SLURP1: variants seen among roughly 807,000 people sequenced by gnomAD.
The protein encoded by SLURP1 is secreted Ly-6/uPAR-related protein 1.
A neutral mutation model predicts 7.9 loss-of-function variants in SLURP1; 2 were observed. That is an observed-to-expected ratio of 0.25 (90% confidence interval 0.10 to 0.79). The LOEUF (loss-of-function observed/expected upper bound fraction) is 0.79, where lower values mean the gene tolerates loss of function less well. Ranked by LOEUF, SLURP1 falls within the 30% of genes least tolerant of loss-of-function variation. The pLI is 0.69. For missense variants in SLURP1, 111 were observed against 139.8 expected (o/e 0.79, Z 1.04); for synonymous variants, 59 against 54.9 (o/e 1.07, Z -0.33).
chr8:142,741,112 G>C lies in SLURP1; in HGVS notation c.*31C>G. The stretch of plus-strand genomic sequence containing the variant: ...AGGCCCCGTCAGAGAGGAGGTGCCT[G>C]AGGAGCACCTTCCGCCCTGCCGCCC... On this transcript the variant is annotated 3_prime_UTR_variant, in exon 3 of 3. Transcript: ENST00000246515. The surrounding 1 kb of genome is among the most constrained non-coding windows in gnomAD (Gnocchi z 4.3). 6.2e-7 allele frequency: 1 copy of C among 1,600,314 alleles called. No individual in the cohort carries two copies. The highest frequency in any genetic ancestry group is 8.5e-7 in the Non-Finnish European group (1 of 1,179,792).
In SLURP1 at chr8:142,741,754, G is replaced by A. The variant is rs753680397; in HGVS notation, c.178+49C>T. The A allele has an allele frequency of 8.7e-6, 14 of 1,602,776 alleles. No homozygotes were observed. The highest frequency in any genetic ancestry group is 1.2e-5 in the Non-Finnish European group (14 of 1,179,716). ...CAAAGGAGGGAGGCACTTGGGGGAG[G>A]TGGCCCTGACTCCAGTGCACCCAGG... On this transcript the variant is annotated intron_variant, in intron 2 of 2. Transcript: ENST00000246515. This position sits in a 1 kb window ranked among gnomAD's most constrained non-coding sequence, Gnocchi z 4.3.
At position 142,741,096 on chromosome 8, in the gene SLURP1, C is replaced by T; in HGVS notation, c.*47G>A. ...GATCACAGGTGGAGCCAGGCCCCGTCAGAGAGGAGGTGCCTGAGGAGCACC... is the reference window on the plus strand; with the variant it reads ...GATCACAGGTGGAGCCAGGCCCCGTTAGAGAGGAGGTGCCTGAGGAGCACC... On this transcript the variant is annotated 3_prime_UTR_variant, in exon 3 of 3. Transcript: ENST00000246515. This position sits in a 1 kb window ranked among gnomAD's most constrained non-coding sequence, Gnocchi z 4.3. 2 of 1,598,924 alleles carry T rather than the reference C, an allele frequency of 1.3e-6. No individual in the cohort carries two copies. The highest frequency in any genetic ancestry group is 1.7e-4 in the Middle Eastern group (1 of 6,022).
Position 142,740,985 on chromosome 8 carries a change from G to T in SLURP1, c.*158C>A. 1.9e-6 allele frequency: 2 copies of T among 1,043,818 alleles called. No homozygotes were observed. Among genetic ancestry groups the T allele is most frequent in the Non-Finnish European group, 2.8e-6 (2 of 703,560 alleles). The allele number at this position is 1,043,818 out of a possible 1,614,324, so 64.7% of individuals were successfully genotyped here. ...TTATGTTTTATAAGCGTGGGGTATG[G>T]AAGGCAGAGGGCGCCCCTGGTGTGC... On this transcript the variant is annotated 3_prime_UTR_variant, in exon 3 of 3. Coordinates refer to ENST00000246515, the MANE Select transcript of SLURP1 (RefSeq NM_020427.3).
At position 142,742,322 on chromosome 8, in the gene SLURP1, A is replaced by G. The variant is rs1253264186; in HGVS notation, c.58+6T>C. On this transcript the variant is annotated splice_donor_region_variant and intron_variant, in intron 1 of 2. Coordinates refer to ENST00000246515, the MANE Select transcript of SLURP1 (RefSeq NM_020427.3). ...CAGGGTCCCCACCAGCCTGCGGCCC[A>G]CTCACCACAGCCCATGCTCCAGGCT... is the stretch of plus-strand genomic sequence containing the variant. 6.2e-7 allele frequency: 1 copy of G among 1,612,592 alleles called. No individual in the cohort carries two copies. The highest frequency in any genetic ancestry group is 1.3e-5 in the African/African-American group (1 of 74,872).
Position 142,741,961 on chromosome 8 carries a change from T to G in SLURP1, c.59-39A>C. The G allele has an allele frequency of 6.2e-7, 1 of 1,606,492 alleles. No individual in the cohort carries two copies. Among genetic ancestry groups the G allele is most frequent in the Middle Eastern group, 1.6e-4 (1 of 6,062 alleles). ...GGGGGCAGAACCTCATCACCTGACC[T>G]CGGTGGCCTCATCCTGGAACCAGGA... On this transcript the variant is annotated intron_variant, in intron 1 of 2. Coordinates refer to ENST00000246515, the MANE Select transcript of SLURP1 (RefSeq NM_020427.3). The surrounding 1 kb of genome is among the most constrained non-coding windows in gnomAD (Gnocchi z 4.3).
intron 1 of SLURP1, 144 bp downstream of exon 1, chr8:142,742,184 A>T: frequency 2.9e-6 from 3 of 1,033,632 alleles, no homozygotes; most frequent in Non-Finnish European, 4.4e-6. Flanking sequence ...GGGACCCAGG[A>T]GGCTCACTGA....
rs771698285 is a variant in SLURP1, at chr8:142,741,257, G to A, written c.198C>T (p.Ser66=). 1 of 1,604,434 alleles carries A rather than the reference G, an allele frequency of 6.2e-7. No individual in the cohort carries two copies. The change falls in exon 3 of 3, where the codon AGC becomes AGT. Residue 66 remains serine, a synonymous_variant. Transcript: ENST00000246515. This position sits in a 1 kb window ranked among gnomAD's most constrained non-coding sequence, Gnocchi z 4.3. ...TGGAGCAGGAGCGGGTCACCACGGGGCTCTGGTTGAAGGGGTACTCTGCAG... is the reference window on the plus strand; with the variant it reads ...TGGAGCAGGAGCGGGTCACCACGGGACTCTGGTTGAAGGGGTACTCTGCAG... ...TVEAEYPFNQ[S]PVVTRSCSSS...
rs781709535 is a variant in SLURP1 at position 142,741,350 on chromosome 8, C to T, written c.179-74G>A. On this transcript the variant is annotated intron_variant, in intron 2 of 2. Transcript: ENST00000246515. This position sits in a 1 kb window ranked among gnomAD's most constrained non-coding sequence, Gnocchi z 4.3. ...CTGCTGCTGCACTGCTCCCAGCCGC[C>T]GTCGCCTGACCTCACCCTCCCTGTG... The T allele has an allele frequency of 1.3e-5, 20 of 1,508,160 alleles. No homozygotes were observed. Among genetic ancestry groups the T allele is most frequent in the Middle Eastern group, 2.4e-4 (1 of 4,252 alleles). The allele number at this position is 1,508,160 out of a possible 1,614,324, so 93.4% of individuals were successfully genotyped here. A position where few individuals can be genotyped will look rare whatever the true frequency, so the allele number is the denominator to read the frequency against.
Position 142,741,185 on chromosome 8 carries a change from C to T in SLURP1, c.270G>A (p.Leu90=). ...AGAGGTCTCGGAAGCAGCAGAAGAT[C>T]AGGTGGGCGGCCCCGATGCTGTCGG... The part of the protein sequence containing the change: ...TDPDSIGAAH[L]IFCCFRDLCN... The change falls in exon 3 of 3, where the codon CTG becomes CTA. Residue 90 remains leucine, a synonymous_variant. Coordinates refer to ENST00000246515, the MANE Select transcript of SLURP1 (RefSeq NM_020427.3). The surrounding 1 kb of genome is among the most constrained non-coding windows in gnomAD (Gnocchi z 4.3). 6.2e-7 allele frequency: 1 copy of T among 1,609,402 alleles called. No individual in the cohort carries two copies. The highest frequency in any genetic ancestry group is 1.1e-5 in the South Asian group (1 of 91,070).
In SLURP1 at chr8:142,742,402, G is replaced by T; in HGVS notation, c.-17C>A. 1.2e-6 allele frequency: 2 copies of T among 1,612,776 alleles called. No homozygotes were observed. Among genetic ancestry groups the T allele is most frequent in the Non-Finnish European group, 1.7e-6 (2 of 1,179,844 alleles). On this transcript the variant is annotated 5_prime_UTR_variant, in exon 1 of 3. Transcript: ENST00000246515. The stretch of plus-strand genomic sequence containing the variant: ...AGAGGCCATTGCTCCGTGCTCAGAA[G>T]TGATGAGAGGTAGCCAGCCTCACAT...
Position 142,741,766 on chromosome 8 carries a change from C to T in SLURP1, c.178+37G>A. On this transcript the variant is annotated intron_variant, in intron 2 of 2. Transcript: ENST00000246515. The surrounding 1 kb of genome is among the most constrained non-coding windows in gnomAD (Gnocchi z 4.3). ...GCACTTGGGGGAGGTGGCCCTGACT[C>T]CAGTGCACCCAGGGCTGCCGTGGGG... 6.2e-7 allele frequency: 1 copy of T among 1,605,518 alleles called. No individual in the cohort carries two copies. The highest frequency in any genetic ancestry group is 1.1e-5 in the South Asian group (1 of 91,034).
chr8:142,741,317 G>A lies in SLURP1; in HGVS notation c.179-41C>T, dbSNP rs780064362. 2.6e-6 allele frequency: 4 copies of A among 1,544,570 alleles called. No individual in the cohort carries two copies. Among genetic ancestry groups the A allele is most frequent in the South Asian group, 2.4e-5 (2 of 84,850 alleles). On this transcript the variant is annotated intron_variant, in intron 2 of 2. Coordinates refer to ENST00000246515, the MANE Select transcript of SLURP1 (RefSeq NM_020427.3). The surrounding 1 kb of genome is among the most constrained non-coding windows in gnomAD (Gnocchi z 4.3). The stretch of plus-strand genomic sequence containing the variant: ...GTGTCAGAACCCTCACTCCCCTGCA[G>A]CGCCTGCCTGCTGCTGCACTGCTCC...
In SLURP1 at chr8:142,741,358, G is replaced by A. The variant is rs1013001393; in HGVS notation, c.179-82C>T. 3.3e-6 allele frequency: 5 copies of A among 1,496,200 alleles called. No homozygotes were observed. The highest frequency in any genetic ancestry group is 1.4e-5 in the African/African-American group (1 of 72,240). 92.7% of individuals were successfully genotyped at this position (1,496,200 alleles called of 1,614,324 possible). On this transcript the variant is annotated intron_variant, in intron 2 of 2. Coordinates refer to ENST00000246515, the MANE Select transcript of SLURP1 (RefSeq NM_020427.3). The surrounding 1 kb of genome is among the most constrained non-coding windows in gnomAD (Gnocchi z 4.3). Reference sequence around the variant, plus strand: ...GCACTGCTCCCAGCCGCCGTCGCCTGACCTCACCCTCCCTGTGATCCCTGT... The same window carrying A: ...GCACTGCTCCCAGCCGCCGTCGCCTAACCTCACCCTCCCTGTGATCCCTGT...
chr8:142,740,973 G>T lies in SLURP1; in HGVS notation c.*170C>A. The T allele has an allele frequency of 1.1e-6, 1 of 882,000 alleles. No homozygotes were observed. The highest frequency in any genetic ancestry group is 1.8e-6 in the Non-Finnish European group (1 of 564,120). 54.6% of individuals were successfully genotyped at this position (882,000 alleles called of 1,614,324 possible). On this transcript the variant is annotated 3_prime_UTR_variant, in exon 3 of 3. Coordinates refer to ENST00000246515, the MANE Select transcript of SLURP1 (RefSeq NM_020427.3). ...CTCTTGGCTTAGTTATGTTTTATAAGCGTGGGGTATGGAAGGCAGAGGGCG... is the reference window on the plus strand; with the variant it reads ...CTCTTGGCTTAGTTATGTTTTATAATCGTGGGGTATGGAAGGCAGAGGGCG...
At position 142,741,447 on chromosome 8, in the gene SLURP1, A is replaced by C. The variant is rs201381815; in HGVS notation, c.179-171T>G. 1.3e-5 allele frequency among the ~76,000 whole-genome samples: 2 copies of C among 152,066 alleles called. No homozygotes were observed. Among genetic ancestry groups the C allele is most frequent in the East Asian group, 3.9e-4 (2 of 5,152 alleles). On this transcript the variant is annotated intron_variant, in intron 2 of 2. Transcript: ENST00000246515. This position sits in a 1 kb window ranked among gnomAD's most constrained non-coding sequence, Gnocchi z 4.3. The stretch of plus-strand genomic sequence containing the variant: ...GCCCTCCTCTGACTGTGACCTGTTC[A>C]TGAATTATTAGGCCTTGTCAGACCT...
At position 142,741,649 on chromosome 8, in the gene SLURP1, G is replaced by A. The variant is rs749494649; in HGVS notation, c.178+154C>T. Among the ~76,000 whole-genome samples the A allele has an allele frequency of 7.9e-5, 12 of 152,222 alleles. No individual in the cohort carries two copies. The highest frequency in any genetic ancestry group is 5.2e-4 in the Admixed American group (8 of 15,288). On this transcript the variant is annotated intron_variant, in intron 2 of 2. Transcript: ENST00000246515. This position sits in a 1 kb window ranked among gnomAD's most constrained non-coding sequence, Gnocchi z 4.3. ...TCTCTGAGGGGGCTGTGCCACCCTC[G>A]TGGAAGGCACCCCTGCCAAGGTGTG... is the stretch of plus-strand genomic sequence containing the variant.
In SLURP1 at chr8:142,741,041, G is replaced by A. The variant is rs1815855544; in HGVS notation, c.*102C>T. ...TCCCCTCAGACCCCATGAGTGAGCT[G>A]TGCCACAGCAGCAGGAAGCAGGGGG... On this transcript the variant is annotated 3_prime_UTR_variant, in exon 3 of 3. Transcript: ENST00000246515. This position sits in a 1 kb window ranked among gnomAD's most constrained non-coding sequence, Gnocchi z 4.3. 3 of 1,555,296 alleles carry A rather than the reference G, an allele frequency of 1.9e-6. No homozygotes were observed. Among genetic ancestry groups the A allele is most frequent in the Non-Finnish European group, 1.7e-6 (2 of 1,143,436 alleles).
At chr8:142,742,023 G>C in intron 1 of SLURP1, 101 bp from the exon 2 acceptor site, 1 of 1,558,566 alleles carries the variant, frequency 6.4e-7, no homozygotes, top group Non-Finnish European at 8.7e-7. Flanking sequence ...CATCTTTCAA[G>C]GCCCCGGGCA....
chr8:142,741,109 C>A lies in SLURP1; in HGVS notation c.*34G>T, dbSNP rs1815857679. On this transcript the variant is annotated 3_prime_UTR_variant, in exon 3 of 3. Transcript: ENST00000246515. The surrounding 1 kb of genome is among the most constrained non-coding windows in gnomAD (Gnocchi z 4.3). The stretch of plus-strand genomic sequence containing the variant: ...GCCAGGCCCCGTCAGAGAGGAGGTG[C>A]CTGAGGAGCACCTTCCGCCCTGCCG... 3 of 1,599,984 alleles carry A rather than the reference C, an allele frequency of 1.9e-6. No homozygotes were observed. Among genetic ancestry groups the A allele is most frequent in the East Asian group, 4.5e-5 (2 of 44,860 alleles).
Sources: gnomAD v4.1 joint callset for allele counts (sites outside exome capture counted in the v4.1 genomes callset) on GRCh38, gnomAD v4.1.1 for gene constraint, Gnocchi (gnomAD v3.1) non-coding constraint, MANE v1.5 for transcripts, NCBI Gene and HGNC (gene_info 2026-07-23, HGNC 2026-07-21) for gene names.